Variants in RNF6 observed in about 807,000 individuals in gnomAD.
The protein encoded by RNF6 is ring finger protein 6, also known as E3 ubiquitin-protein ligase RNF6.
In RNF6, 21 loss-of-function variants were observed where a neutral mutation model predicts 50.1. The observed-to-expected ratio is 0.42, with a 90% confidence interval of 0.30 to 0.60. The LOEUF (loss-of-function observed/expected upper bound fraction) is 0.60, where lower values mean the gene tolerates loss of function less well. Ranked by LOEUF, RNF6 falls within the 20% of genes least tolerant of loss-of-function variation. The probability of loss-of-function intolerance (pLI) is 0.20; values close to 1 mark genes in which losing one functional copy is unlikely to be tolerated. For synonymous variants in RNF6, 255 were observed against 291.8 expected (o/e 0.87, Z 1.29); for missense variants, 698 against 838.2 (o/e 0.83, Z 2.07).
At chr13:26,142,889 C>T (rs1455207827) in intron 5 of RNF6, among the ~76,000 whole-genome samples, 1 of 152,094 alleles carries the variant, frequency 6.6e-6, no homozygotes, top group Non-Finnish European at 1.5e-5. Context: ...ATTAAAATCA[C>T]AATCAACACA....
intron 5 of RNF6, among the ~76,000 whole-genome samples, chr13:26,175,413 A>G (rs936062453): frequency 1.3e-5 from 2 of 152,104 alleles, no homozygotes; most frequent in African/African-American, 4.8e-5. Context: ...CCTGACGCGA[A>G]GAGTAAGAAA....
chr13:26,171,090 T>G (rs1197027856), intron 5 of RNF6, among the ~76,000 whole-genome samples: 3 of 152,128 alleles, frequency 2.0e-5, no homozygotes, highest in Non-Finnish European at 4.4e-5. Context: ...CTTTGGTGCA[T>G]CAAGGATTCT....
At chr13:26,158,573 T>A (rs924328993) in intron 5 of RNF6, among the ~76,000 whole-genome samples, 2 of 152,212 alleles carry the variant, frequency 1.3e-5, no homozygotes, top group African/African-American at 4.8e-5. Flanking sequence ...CAATTGACTA[T>A]CATATAGTCA....
intron 5 of RNF6, among the ~76,000 whole-genome samples, chr13:26,175,028 C>T (rs1872883174): frequency 6.6e-6 from 1 of 152,158 alleles, no homozygotes; most frequent in African/African-American, 2.4e-5. Flanking sequence ...CCTCTTGATG[C>T]CTCAGCAGTT....
chr13:26,163,126 C>G (rs374125394), intron 5 of RNF6, among the ~76,000 whole-genome samples: 1 of 151,916 alleles, frequency 6.6e-6, no homozygotes, highest in Admixed American at 6.5e-5. Flanking sequence ...CTGGTTAACA[C>G]GGTGAAACCC....
At chr13:26,207,978 G>C (rs1044284947), downstream of RNF6, among the ~76,000 whole-genome samples, 5 of 152,240 alleles carry the variant, frequency 3.3e-5, no homozygotes, top group African/African-American at 1.2e-4. Flanking sequence ...ATTACTTCCA[G>C]TCCAAATATG....
At chr13:26,170,430 T>C (rs1593163740) in intron 5 of RNF6, among the ~76,000 whole-genome samples, 5 of 152,224 alleles carry the variant, frequency 3.3e-5, no homozygotes, top group Admixed American at 3.3e-4. Context: ...TGAAGGAATT[T>C]TCCTGCCATC....
chr13:26,172,549 T>C (rs1201372921), intron 5 of RNF6, among the ~76,000 whole-genome samples: 4 of 10,148 alleles, frequency 3.9e-4, no homozygotes, highest in Admixed American at 3.0e-3. Context: ...AATATATCTT[T>C]TTTTTTTTTT....
At chr13:26,164,920 G>A (rs1313021850) in intron 5 of RNF6, among the ~76,000 whole-genome samples, 1 of 152,194 alleles carries the variant, frequency 6.6e-6, no homozygotes, top group African/African-American at 2.4e-5. Context: ...GCCATTTTCG[G>A]AGGAGAAATT....
chr13:26,189,146 T>A (rs545055761), intron 5 of RNF6, among the ~76,000 whole-genome samples: 1 of 151,990 alleles, frequency 6.6e-6, no homozygotes, highest in Non-Finnish European at 1.5e-5. Flanking sequence ...CTGGCCAACA[T>A]GGTGAAACTA....
intron 5 of RNF6, among the ~76,000 whole-genome samples, chr13:26,168,642 A>T (rs1202152002): frequency 6.6e-6 from 1 of 152,086 alleles, no homozygotes; most frequent in Non-Finnish European, 1.5e-5. Flanking sequence ...CCTCTCCTTC[A>T]CTTTCTAAAT....
At chr13:26,189,094 C>T (rs932107706) in intron 5 of RNF6, among the ~76,000 whole-genome samples, 4 of 151,918 alleles carry the variant, frequency 2.6e-5, no homozygotes, top group Non-Finnish European at 5.9e-5. Context: ...TTTGGGAGGC[C>T]GAGGCAGGTG....
chr13:26,197,969 G>A (rs301064), intron 5 of RNF6, among the ~76,000 whole-genome samples: 149,930 of 151,892 alleles, frequency 0.99, 74,070 homozygotes, highest in East Asian at 1. Context: ...AGGTGAAAGA[G>A]GAAATCATAA....
At chr13:26,216,693 A>T (rs562906159) in intron 4 of RNF6, among the ~76,000 whole-genome samples, 1 of 152,256 alleles carries the variant, frequency 6.6e-6, no homozygotes, top group South Asian at 2.1e-4. Context: ...GGTGGCTCAC[A>T]CCTGTAATCC....
intron 5 of RNF6, among the ~76,000 whole-genome samples, chr13:26,181,240 G>A (rs1379236741): frequency 2.0e-5 from 3 of 152,248 alleles, no homozygotes; most frequent in Middle Eastern, 3.4e-3. Flanking sequence ...CTCTGCCTGG[G>A]GTACTACAAT....
chr13:26,136,280 G>A (rs1338310810), intron 5 of RNF6, among the ~76,000 whole-genome samples: 1 of 152,174 alleles, frequency 6.6e-6, no homozygotes, highest in East Asian at 1.9e-4. Flanking sequence ...AATTGCTGAG[G>A]ATGAACAGAT....
rs368967597 is a variant in RNF6, at chr13:26,219,462, G to A, written c.188C>T (p.Thr63Ile). 1.4e-5 allele frequency: 22 copies of A among 1,601,822 alleles called. No homozygotes were observed. The highest frequency in any genetic ancestry group is 1.8e-5 in the Non-Finnish European group (21 of 1,172,426). The change falls in exon 3 of 5, where the codon ACC becomes ATC. Residue 63 changes from threonine to isoleucine, a missense_variant. Thr to Ile is a moderately conservative substitution (Grantham distance 89). Transcript: ENST00000381588. ...CTCTTTTACCCATCTCTTACCAGGGGTGCCTAAAAGATTATGGTCTCTCAT... is the reference window on the plus strand; with the variant it reads ...CTCTTTTACCCATCTCTTACCAGGGATGCCTAAAAGATTATGGTCTCTCAT... ...RLMRDHNLLG[T>I]PGEITSEELQ...
intron 5 of RNF6, among the ~76,000 whole-genome samples, chr13:26,207,541 G>T (rs553294121): frequency 6.6e-6 from 1 of 152,162 alleles, no homozygotes; most frequent in African/African-American, 2.4e-5. Context: ...AAGGATGCAG[G>T]TTGATTCATT....
intron 2 of RNF6, 75 bp from the exon 3 acceptor site, chr13:26,219,742 G>T: frequency 7.5e-7 from 1 of 1,328,010 alleles, no homozygotes; most frequent in Non-Finnish European, 1.0e-6. Context: ...TTAACTTGCA[G>T]TTTTTCTTAA....
Sources: gnomAD v4.1 joint callset for allele counts (sites outside exome capture counted in the v4.1 genomes callset) on GRCh38, gnomAD v4.1.1 for gene constraint, MANE v1.5 for transcripts, NCBI Gene and HGNC (gene_info 2026-07-23, HGNC 2026-07-21) for gene names.